The following DCDC2C variants were observed in gnomAD, a reference collection of about 807,000 sequenced individuals.
The protein encoded by DCDC2C is doublecortin domain-containing protein 2C.
A neutral mutation model predicts 45.0 loss-of-function variants in DCDC2C; 44 were observed. The observed-to-expected ratio is 0.98, with a 90% confidence interval of 0.77 to 1.26. The LOEUF is 1.26. Among genes scored for constraint, DCDC2C ranks in the 50% most tolerant of loss-of-function variants. The pLI is 0.00. For synonymous variants in DCDC2C, 187 were observed against 178.8 expected (o/e 1.05, Z -0.37); for missense variants, 447 against 468.9 (o/e 0.95, Z 0.43).
At chr2:3,785,580 A>T (rs116626860) in intron 10 of DCDC2C, among the ~76,000 whole-genome samples, 2 of 152,014 alleles carry the variant, frequency 1.3e-5, no homozygotes, top group East Asian at 2.0e-4. Context: ...GGGAAAGCGG[A>T]TGTGTAGCTG....
intron 6 of DCDC2C, among the ~76,000 whole-genome samples, chr2:3,765,688 C>G (rs1669993543): frequency 6.6e-6 from 1 of 152,178 alleles, no homozygotes. Context: ...GTTCTAGGCT[C>G]TGGGAATTCA....
intron 10 of DCDC2C, among the ~76,000 whole-genome samples, chr2:3,835,142 T>C (rs1415559987): frequency 6.6e-6 from 1 of 152,212 alleles, no homozygotes; most frequent in African/African-American, 2.4e-5. Flanking sequence ...AATCCATCTG[T>C]GACACCAGCC....
intron 10 of DCDC2C, among the ~76,000 whole-genome samples, chr2:3,794,475 A>G (rs1446883120): frequency 1.3e-5 from 2 of 152,190 alleles, no homozygotes; most frequent in Non-Finnish European, 2.9e-5. Flanking sequence ...TTAACTCGTC[A>G]TCTAGCATTA....
intron 6 of DCDC2C, among the ~76,000 whole-genome samples, chr2:3,758,720 G>T (rs1271361091): frequency 6.6e-6 from 1 of 152,168 alleles, no homozygotes; most frequent in East Asian, 1.9e-4. Context: ...CACAGGTCTT[G>T]GGCTGGTTTC....
intron 2 of DCDC2C, among the ~76,000 whole-genome samples, chr2:3,715,198 G>A (rs550917815): frequency 1.3e-5 from 2 of 152,144 alleles, no homozygotes; most frequent in South Asian, 4.2e-4. Context: ...ATATATTCCT[G>A]TAATACTTTT....
chr2:3,800,046 C>T (rs1294100239), intron 10 of DCDC2C, among the ~76,000 whole-genome samples: 3 of 152,328 alleles, frequency 2.0e-5, no homozygotes, highest in Non-Finnish European at 4.4e-5. Flanking sequence ...ACCCTCCGAG[C>T]CAGGTGCGGG....
At position 3,817,608 on chromosome 2, in the gene DCDC2C, C is replaced by T. The variant is rs1671586195; in HGVS notation, c.1066-29546C>T. On this transcript the variant is annotated intron_variant, in intron 10 of 10. Coordinates refer to ENST00000399143, the MANE Select transcript of DCDC2C (RefSeq NM_001287444.2). Reference sequence around the variant, plus strand: ...TTAAAGCAGTGGCAGCTGCCACATGCAGACATGAGGGCTAGGCTAAAACAG... The same window carrying T: ...TTAAAGCAGTGGCAGCTGCCACATGTAGACATGAGGGCTAGGCTAAAACAG... 4.6e-5 allele frequency among the ~76,000 whole-genome samples: 7 copies of T among 152,294 alleles called. No homozygotes were observed. In the South Asian group the frequency reaches 1.4e-3, roughly 32 times the overall value.
chr2:3,841,510 G>A (rs1311839959), intron 10 of DCDC2C, among the ~76,000 whole-genome samples: 2 of 144,696 alleles, frequency 1.4e-5, no homozygotes, highest in African/African-American at 2.6e-5. Context: ...GAGTGCTTAT[G>A]TGTGGGACTA....
chr2:3,786,798 CTAGGTGTCCTTTGT>C (rs775207566), intron 10 of DCDC2C, among the ~76,000 whole-genome samples: 1 of 152,218 alleles, frequency 6.6e-6, no homozygotes, highest in Non-Finnish European at 1.5e-5. Context: ...CACTAACTTG[CTAGGTGTCCTTTGT>C]TAAGTAACTC....
chr2:3,767,908 G>A (rs1316634859), intron 7 of DCDC2C, 28 bp downstream of exon 7: 1 of 1,438,548 alleles, frequency 7.0e-7, no homozygotes, highest in South Asian at 1.5e-5. Context: ...TCTGCTGTAG[G>A]CAGTTCGAAA....
chr2:3,721,652 C>T (rs757493751), intron 2 of DCDC2C, among the ~76,000 whole-genome samples: 9 of 152,102 alleles, frequency 5.9e-5, no homozygotes, highest in East Asian at 5.8e-4. Context: ...TCCCATGTGC[C>T]GTGGGAAGAA....
At chr2:3,748,414 G>T (rs1669438263) in intron 4 of DCDC2C, among the ~76,000 whole-genome samples, 1 of 151,464 alleles carries the variant, frequency 6.6e-6, no homozygotes, top group Non-Finnish European at 1.5e-5. Context: ...GGGAGAGGAG[G>T]GAGAAAGAGA....
rs537981601 is a variant in DCDC2C, at chr2:3,726,951, G to A, written c.340-52G>A. The A allele has an allele frequency of 3.4e-6, 5 of 1,473,954 alleles. No individual in the cohort carries two copies. The South Asian group carries it at 6.1e-5, about 18-fold the overall frequency. The allele number at this position is 1,473,954 out of a possible 1,614,324, so 91.3% of individuals were successfully genotyped here. A position where few individuals can be genotyped will look rare whatever the true frequency, so the allele number is the denominator to read the frequency against. ...TGCTGTGCACACTGTTGAGTTTGAT[G>A]AGTGTTGGCTAATTTGAACTGAATT... On this transcript the variant is annotated intron_variant, in intron 2 of 10. Transcript: ENST00000399143.
intron 3 of DCDC2C, among the ~76,000 whole-genome samples, chr2:3,731,481 C>T (rs981343127): frequency 1.3e-5 from 2 of 152,202 alleles, no homozygotes; most frequent in Non-Finnish European, 1.5e-5. Flanking sequence ...ATTGCCTGTA[C>T]TGGTTGTGAC....
intron 10 of DCDC2C, among the ~76,000 whole-genome samples, chr2:3,846,590 C>G (rs1192224008): frequency 6.6e-6 from 1 of 152,172 alleles, no homozygotes; most frequent in Non-Finnish European, 1.5e-5. Flanking sequence ...AAAGGAGATT[C>G]ATTTTACTTA....
chr2:3,794,491 A>G (rs921028616), intron 10 of DCDC2C, among the ~76,000 whole-genome samples: 1 of 152,102 alleles, frequency 6.6e-6, no homozygotes, highest in African/African-American at 2.4e-5. Context: ...CATTAGGTAT[A>G]TCTCCCAATG....
At chr2:3,786,890 AAT>A (rs1455328860) in intron 10 of DCDC2C, among the ~76,000 whole-genome samples, 1 of 152,280 alleles carries the variant, frequency 6.6e-6, no homozygotes, top group Non-Finnish European at 1.5e-5. Flanking sequence ...TCAACGAGGC[AAT>A]GGATTGGAAA....
chr2:3,810,153 C>T (rs1000025294), intron 10 of DCDC2C, among the ~76,000 whole-genome samples: 1 of 152,172 alleles, frequency 6.6e-6, no homozygotes, highest in Non-Finnish European at 1.5e-5. Flanking sequence ...GTTCTAGATC[C>T]TTGAGGAATC....
At chr2:3,807,070 T>A (rs1400613171) in intron 10 of DCDC2C, among the ~76,000 whole-genome samples, 1 of 135,742 alleles carries the variant, frequency 7.4e-6, no homozygotes, top group Admixed American at 8.0e-5. Flanking sequence ...GACTTTTTTT[T>A]CTTCAGAAAG....
Sources: allele counts gnomAD v4.1 joint callset (sites outside exome capture counted in the v4.1 genomes callset), GRCh38; gene constraint gnomAD v4.1.1; transcripts MANE v1.5; gene names NCBI Gene and HGNC (gene_info 2026-07-23, HGNC 2026-07-21).